Variants in PTGIR observed in about 807,000 individuals in gnomAD.
PTGIR encodes prostacyclin receptor.
In PTGIR, 16 loss-of-function variants were observed where a neutral mutation model predicts 17.6. The observed-to-expected ratio is 0.91, with a 90% confidence interval of 0.61 to 1.38. PTGIR has a LOEUF of 1.38. Ranked by LOEUF, PTGIR falls within the 40% of genes most tolerant of loss-of-function variation. The pLI is 0.00. For missense variants in PTGIR, 532 were observed against 548.6 expected (o/e 0.97, Z 0.30); for synonymous variants, 274 against 255.4 (o/e 1.07, Z -0.69).
chr19:46,619,555 G>A (rs200953664), downstream of PTGIR, among the ~76,000 whole-genome samples: 5,023 of 69,212 alleles, frequency 0.073, 121 homozygotes, highest in East Asian at 0.14. Context: ...GAAAGAGAGA[G>A]AGAGAGAGAG....
Position 46,621,213 on chromosome 19 carries a change from A to G in PTGIR, c.*67T>C, listed in dbSNP as rs926933951. Reference sequence around the variant, plus strand: ...GTTCCAGCATCCGCAGCCATCAGCCATGTCCCTGATTTTCTGGCTCCTGTC... The same window carrying G: ...GTTCCAGCATCCGCAGCCATCAGCCGTGTCCCTGATTTTCTGGCTCCTGTC... On this transcript the variant is annotated 3_prime_UTR_variant, in exon 3 of 3. Transcript: ENST00000291294. This position sits in a 1 kb window ranked among gnomAD's most constrained non-coding sequence, Gnocchi z 4.8. 6.8e-7 allele frequency: 1 copy of G among 1,470,490 alleles called. No individual in the cohort carries two copies. The highest frequency in any genetic ancestry group is 2.4e-5 in the East Asian group (1 of 42,342). The allele number at this position is 1,470,490 out of a possible 1,614,324, so 91.1% of individuals were successfully genotyped here.
At chr19:46,624,604 A>G (rs2052781566) in intron 1 of PTGIR, 2 of 175,056 alleles carry the variant, frequency 1.1e-5, no homozygotes, top group Non-Finnish European at 1.2e-5. Flanking sequence ...ACAGGCGTCC[A>G]CTACCACGCC....
intron 2 of PTGIR, chr19:46,622,179 C>A: frequency 4.1e-6 from 4 of 985,410 alleles, no homozygotes; most frequent in Non-Finnish European, 4.8e-6. Context: ...GTCACAGACA[C>A]TGAGTGGGTA....
the PTGIR span, among the ~76,000 whole-genome samples, chr19:46,612,614 C>T: frequency 6.6e-6 from 1 of 152,218 alleles, no homozygotes; most frequent in African/African-American, 2.4e-5. Flanking sequence ...TCCAAGCCCA[C>T]AGCAGCTGGG....
Position 46,621,944 on chromosome 19 carries a change from G to T in PTGIR, c.769-272C>A. On this transcript the variant is annotated intron_variant, in intron 2 of 2. Transcript: ENST00000291294. The surrounding 1 kb of genome is among the most constrained non-coding windows in gnomAD (Gnocchi z 4.8). Reference sequence around the variant, plus strand: ...GCTGGGAGGACCCTCGGGCTCCACAGATTTTTGAGTATAACGTCCCTGCAA... The same window carrying T: ...GCTGGGAGGACCCTCGGGCTCCACATATTTTTGAGTATAACGTCCCTGCAA... 1 of 1,248,596 alleles carries T rather than the reference G, an allele frequency of 8.0e-7. No individual in the cohort carries two copies. Among genetic ancestry groups the T allele is most frequent in the Non-Finnish European group, 1.0e-6 (1 of 994,438 alleles). 77.3% of individuals were successfully genotyped at this position (1,248,596 alleles called of 1,614,324 possible). A position where few individuals can be genotyped will look rare whatever the true frequency, so the allele number is the denominator to read the frequency against.
At chr19:46,617,534 A>T (rs954267450), downstream of PTGIR, among the ~76,000 whole-genome samples, 1 of 152,158 alleles carries the variant, frequency 6.6e-6, no homozygotes, top group East Asian at 1.9e-4. Context: ...CTTCCCCTTA[A>T]TCCTCATCTG....
chr19:46,623,886 C>T lies in PTGIR; in HGVS notation c.340G>A (p.Ala114Thr). The T allele has an allele frequency of 6.2e-7, 1 of 1,610,508 alleles. No homozygotes were observed. Among genetic ancestry groups the T allele is most frequent in the Non-Finnish European group, 8.5e-7 (1 of 1,178,614 alleles). Residue 114 changes from alanine to threonine, a missense_variant, in exon 2 of 3, where the codon GCC (alanine) becomes ACC (threonine). Ala to Thr is a moderately conservative substitution (Grantham distance 58). Transcript: ENST00000291294. The part of the protein sequence containing the change: ...LASMLILFAM[A>T]VERCLALSHP... ...CTCAGCGCCAGGCAGCGCTCCACGG[C>T]CATGGCAAAGAGGATGAGCATGGAC... is the stretch of plus-strand genomic sequence containing the variant.
At chr19:46,623,338 C>T (rs1402946132) in intron 2 of PTGIR, 120 bp downstream of exon 2, 3 of 1,225,332 alleles carry the variant, frequency 2.4e-6, no homozygotes, top group Non-Finnish European at 3.3e-6. Context: ...AGGCGTGAGC[C>T]ACCATGCCCA....
At chr19:46,611,413 T>A in the PTGIR span, among the ~76,000 whole-genome samples, 5 of 152,056 alleles carry the variant, frequency 3.3e-5, no homozygotes, top group Admixed American at 1.3e-4. Context: ...CATGCCAAGT[T>A]TGGATCTACA....
the PTGIR span, among the ~76,000 whole-genome samples, chr19:46,612,288 T>TG: frequency 6.6e-6 from 1 of 152,060 alleles, no homozygotes; most frequent in African/African-American, 2.4e-5. Flanking sequence ...GTCCACAAAA[T>TG]GGGGGTATAA....
Position 46,624,012 on chromosome 19 carries a change from A to C in PTGIR, c.214T>G (p.Phe72Val), listed in dbSNP as rs2052769151. 1 of 1,546,174 alleles carries C rather than the reference A, an allele frequency of 6.5e-7. No individual in the cohort carries two copies. The highest frequency in any genetic ancestry group is 8.7e-7 in the Non-Finnish European group (1 of 1,145,204). The change falls in exon 2 of 3, where the codon TTC becomes GTC. Residue 72 changes from phenylalanine (F) to valine (V), a missense_variant. Transcript: ENST00000291294. ...GAGCTGTTGCGCGCATAGGCCACGA[A>C]CACGGCCGGGCTCAGGAAGCTGGTG... is the stretch of plus-strand genomic sequence containing the variant. ...LGTSFLSPAV[F>V]VAYARNSSLL...
At chr19:46,614,923 G>C in the PTGIR span, among the ~76,000 whole-genome samples, 1 of 152,300 alleles carries the variant, frequency 6.6e-6, no homozygotes, top group African/African-American at 2.4e-5. Context: ...TCAGGAGGCT[G>C]AGGCAGGAGA....
Position 46,621,320 on chromosome 19 carries a change from G to T in PTGIR, c.1121C>A (p.Ser374Ter). The T allele has an allele frequency of 6.6e-7, 1 of 1,520,532 alleles. No homozygotes were observed. The highest frequency in any genetic ancestry group is 8.8e-7 in the Non-Finnish European group (1 of 1,133,938). The allele number at this position is 1,520,532 out of a possible 1,614,324, so 94.2% of individuals were successfully genotyped here. The change falls in exon 3 of 3, where the codon TCG becomes TAG. Residue 374 changes from serine (S) to a stop codon, truncating the protein, a stop_gained. Transcript: ENST00000291294. LOFTEE classifies it high-confidence loss of function. This position sits in a 1 kb window ranked among gnomAD's most constrained non-coding sequence, Gnocchi z 4.8. ...GGCGACGCTGGCTTCTGCTTTGGAC[G>T]ACGTTCCCACGGCGCTGCCGCTGGA... ...QQSSGSAVGT[S>*]SKAEASVACS...
downstream of PTGIR, among the ~76,000 whole-genome samples, chr19:46,619,341 A>C (rs1486772061): frequency 6.6e-6 from 1 of 151,628 alleles, no homozygotes; most frequent in East Asian, 1.9e-4. Flanking sequence ...ACAAATACAA[A>C]AAAATTAGCC....
chr19:46,616,561 T>C (rs1353868585), downstream of PTGIR, among the ~76,000 whole-genome samples: 6 of 151,962 alleles, frequency 3.9e-5, no homozygotes, highest in Non-Finnish European at 8.8e-5. Context: ...CTCAAACTCC[T>C]GACCTTGTGA....
chr19:46,621,554 C>A lies in PTGIR; in HGVS notation c.887G>T (p.Arg296Leu). The A allele has an allele frequency of 1.2e-6, 2 of 1,614,084 alleles. No individual in the cohort carries two copies. Among genetic ancestry groups the A allele is most frequent in the Non-Finnish European group, 1.7e-6 (2 of 1,180,034 alleles). The change falls in exon 3 of 3, where the codon CGC (arginine) becomes CTC (leucine). Residue 296 changes from arginine (R) to leucine (L), a missense_variant. By Grantham distance (102) the Arg-to-Leu change is moderately radical. Transcript: ENST00000291294. This position sits in a 1 kb window ranked among gnomAD's most constrained non-coding sequence, Gnocchi z 4.8. Reference sequence around the variant, plus strand: ...CTTGAGTCGCTGGAAGACAGCCTTGCGGAAAAGGATGAAGACCCAGGGGTC... The same window carrying A: ...CTTGAGTCGCTGGAAGACAGCCTTGAGGAAAAGGATGAAGACCCAGGGGTC... ...ILDPWVFILFRKAVFQRLKLW... is the reference protein window; with the variant it reads ...ILDPWVFILFLKAVFQRLKLW...
rs1599773782 is a variant in PTGIR, at chr19:46,623,751, C to G, written c.475G>C (p.Gly159Arg). 1.1e-5 allele frequency: 17 copies of G among 1,600,116 alleles called. No homozygotes were observed. Among genetic ancestry groups the G allele is most frequent in the Non-Finnish European group, 1.4e-5 (16 of 1,176,262 alleles). The stretch of plus-strand genomic sequence containing the variant: ...CCGGGGCAGTACTGCTGGTGTTGGC[C>G]CAGGCCCAGCAGGGGCAGCGCGCAG... ...LFCALPLLGL[G>R]QHQQYCPGSW... is the part of the protein sequence containing the mutation. The change falls in exon 2 of 3, where the codon GGC becomes CGC. Residue 159 changes from glycine (G) to arginine (R), a missense_variant. Transcript: ENST00000291294.
chr19:46,623,162 A>G (rs952026376), intron 2 of PTGIR: 18 of 229,024 alleles, frequency 7.9e-5, no homozygotes, highest in African/African-American at 3.9e-4. Flanking sequence ...TTATTTATTT[A>G]TTTGTTGTAT....
chr19:46,611,323 A>G, the PTGIR span, among the ~76,000 whole-genome samples: 1 of 152,054 alleles, frequency 6.6e-6, no homozygotes, highest in Non-Finnish European at 1.5e-5. Context: ...AGGCAGGGGC[A>G]GGCCCTGCAG....
Sources: allele counts gnomAD v4.1 joint callset (sites outside exome capture counted in the v4.1 genomes callset), GRCh38; gene constraint gnomAD v4.1.1; non-coding constraint Gnocchi (gnomAD v3.1); transcripts MANE v1.5; gene names NCBI Gene and HGNC (gene_info 2026-07-23, HGNC 2026-07-21).